NLRP1: variants seen among roughly 807,000 people sequenced by gnomAD.
NLRP1 encodes NACHT, LRR and PYD domains-containing protein 1.
A neutral mutation model predicts 136.7 loss-of-function variants in NLRP1; 94 were observed. The observed-to-expected ratio is 0.69, with a 90% CI of 0.58 to 0.82. The LOEUF (loss-of-function observed/expected upper bound fraction) is 0.82, where lower values mean the gene tolerates loss of function less well. Among genes scored for constraint, NLRP1 ranks in the 40% least tolerant of loss-of-function variants. NLRP1 has a pLI of 0.00. For synonymous variants in NLRP1, 690 were observed against 725.1 expected (o/e 0.95, Z 0.78); for missense variants, 1,575 against 1,802.7 (o/e 0.87, Z 2.29).
At chr17:5,534,386 C>CA (rs1910750310) in intron 8 of NLRP1, among the ~76,000 whole-genome samples, 1 of 151,972 alleles carries the variant, frequency 6.6e-6, no homozygotes, top group South Asian at 2.1e-4. Flanking sequence ...ACAAAACAAA[C>CA]AAAAAAACTC....
intron 4 of NLRP1, among the ~76,000 whole-genome samples, chr17:5,554,002 C>T (rs1277179509): frequency 6.6e-6 from 1 of 152,114 alleles, no homozygotes; most frequent in Non-Finnish European, 1.5e-5. Context: ...TTGATGCAGA[C>T]ACACCTGTGT....
chr17:5,511,171 T>G (rs1184658399), downstream of NLRP1, among the ~76,000 whole-genome samples: 1 of 152,070 alleles, frequency 6.6e-6, no homozygotes, highest in African/African-American at 2.4e-5. Context: ...TGGCTCACAC[T>G]TGTAATCCCA....
In NLRP1 at chr17:5,583,179, A is replaced by ACAG. The variant is rs201664446; in HGVS notation, c.272-336_272-334dup. Among the ~76,000 whole-genome samples the ACAG allele has an allele frequency of 0.018, 2,761 of 152,138 alleles. 74 individuals carry two copies. Among genetic ancestry groups the ACAG allele is most frequent in the African/African-American group, 0.062 (2,561 of 41,452 alleles). On this transcript the variant is annotated intron_variant, in intron 1 of 16. Transcript: ENST00000572272. This position sits in a 1 kb window ranked among gnomAD's most constrained non-coding sequence, Gnocchi z 4.5. The stretch of plus-strand genomic sequence containing the variant: ...CCCAGGGTGGCTAATAGTAATAATA[A>ACAG]CAGCAGCAGCAGCAGCAGCAACAAC...
chr17:5,514,681 G>C lies in NLRP1; in HGVS notation c.*73C>G, dbSNP rs1907857477. 1 of 1,575,346 alleles carries C rather than the reference G, an allele frequency of 6.3e-7. No homozygotes were observed. The highest frequency in any genetic ancestry group is 2.3e-5 in the East Asian group (1 of 44,424). ...CAAACCAGATGGCAACTTGTTTGCAGAGAAAGAAACTGAGACCCAAAGAAG... is the reference window on the plus strand; with the variant it reads ...CAAACCAGATGGCAACTTGTTTGCACAGAAAGAAACTGAGACCCAAAGAAG... On this transcript the variant is annotated 3_prime_UTR_variant, in exon 17 of 17. Coordinates refer to ENST00000572272, the MANE Select transcript of NLRP1 (RefSeq NM_033004.4).
intron 4 of NLRP1, among the ~76,000 whole-genome samples, chr17:5,554,439 T>A (rs574364633): frequency 6.6e-6 from 1 of 152,304 alleles, no homozygotes; most frequent in South Asian, 2.1e-4. Context: ...CACCTTGACA[T>A]CCCAGTAATT....
intron 3 of NLRP1, among the ~76,000 whole-genome samples, chr17:5,572,883 AG>A (rs1239976204): frequency 3.3e-5 from 5 of 152,218 alleles, no homozygotes; most frequent in African/African-American, 1.2e-4. Flanking sequence ...TACAACTCCC[AG>A]GGTGAGCAGC....
At chr17:5,542,916 G>A (rs1222349778) in intron 5 of NLRP1, among the ~76,000 whole-genome samples, 4 of 151,636 alleles carry the variant, frequency 2.6e-5, no homozygotes, top group Non-Finnish European at 4.4e-5. Context: ...TGCAACCTCC[G>A]CGCCCTGGGT....
rs199769886 is a variant in NLRP1 at position 5,542,000 on chromosome 17, C to T, written c.2556G>A (p.Glu852=). 23 of 1,613,862 alleles carry T rather than the reference C, an allele frequency of 1.4e-5. No individual in the cohort carries two copies. The East Asian group carries it at 4.7e-4, about 33-fold the overall frequency. ...LRLAGCGLTA[E]DCKDLAFGLR... The stretch of plus-strand genomic sequence containing the variant: ...GCCCAAAGGCAAGGTCCTTGCAGTC[C>T]TCAGCTGTGAGGCCACAGCCAGCCA... The change falls in exon 6 of 17, where the codon GAG becomes GAA. Residue 852 remains glutamate (E), a synonymous_variant. Coordinates refer to ENST00000572272, the MANE Select transcript of NLRP1 (RefSeq NM_033004.4). The surrounding 1 kb of genome is among the most constrained non-coding windows in gnomAD (Gnocchi z 4.2).
intron 3 of NLRP1, among the ~76,000 whole-genome samples, chr17:5,576,235 C>T (rs1384283292): frequency 6.6e-6 from 1 of 152,196 alleles, no homozygotes; most frequent in African/African-American, 2.4e-5. Context: ...CAAGAGCAAA[C>T]ACATTCAAAA....
rs143342551 is a variant in NLRP1, at chr17:5,525,693, G to C, written c.3521-3907C>G. On this transcript the variant is annotated intron_variant, in intron 12 of 16. Coordinates refer to ENST00000572272, the MANE Select transcript of NLRP1 (RefSeq NM_033004.4). Reference sequence around the variant, plus strand: ...TGCCTGGCTTTGACTCCCAGCAAGGGTTCTTACCAACTGTGGGACTCTGAG... The same window carrying C: ...TGCCTGGCTTTGACTCCCAGCAAGGCTTCTTACCAACTGTGGGACTCTGAG... Among the ~76,000 whole-genome samples, 36 of 152,346 alleles carry C rather than the reference G, an allele frequency of 2.4e-4. No individual in the cohort carries two copies. The East Asian group carries it at 5.6e-3, about 24-fold the overall frequency.
At chr17:5,519,179 T>C (rs1187476330) in intron 14 of NLRP1, among the ~76,000 whole-genome samples, 2 of 151,874 alleles carry the variant, frequency 1.3e-5, no homozygotes, top group South Asian at 2.1e-4. Flanking sequence ...AAGTTTTGTA[T>C]TTTTGGTAGA....
At chr17:5,521,109 G>C (rs1421873432) in intron 13 of NLRP1, 97 bp from the exon 14 acceptor site, 6 of 1,282,804 alleles carry the variant, frequency 4.7e-6, no homozygotes, top group Non-Finnish European at 6.4e-6. Flanking sequence ...TGTGTGGACA[G>C]AGTGGGGCTA....
At chr17:5,562,432 G>A (rs970404458) in intron 3 of NLRP1, among the ~76,000 whole-genome samples, 2 of 152,136 alleles carry the variant, frequency 1.3e-5, no homozygotes, top group African/African-American at 4.8e-5. Flanking sequence ...TGCCAACCAC[G>A]GCCCCTGCCT....
At chr17:5,524,607 C>T (rs1010872249) in intron 12 of NLRP1, among the ~76,000 whole-genome samples, 2 of 152,236 alleles carry the variant, frequency 1.3e-5, no homozygotes, top group African/African-American at 4.8e-5. Flanking sequence ...ATCACTGGCA[C>T]TAAATGGATG....
At chr17:5,529,979 T>C (rs1597408107) in intron 12 of NLRP1, 2 of 456,706 alleles carry the variant, frequency 4.4e-6, no homozygotes, top group Non-Finnish European at 8.8e-6. Flanking sequence ...TACTTTGTGA[T>C]TACTATCTTC....
At chr17:5,519,062 G>C (rs1908531536) in intron 14 of NLRP1, among the ~76,000 whole-genome samples, 1 of 151,512 alleles carries the variant, frequency 6.6e-6, no homozygotes, top group African/African-American at 2.4e-5. Context: ...GAGCACAGTG[G>C]CACAATCTTG....
chr17:5,577,292 G>A (rs542407868), intron 3 of NLRP1, among the ~76,000 whole-genome samples: 62 of 152,276 alleles, frequency 4.1e-4, no homozygotes, highest in African/African-American at 1.3e-3. Context: ...GAAATAAAGC[G>A]TATTCAATTA....
At chr17:5,507,222 A>C (rs1907389079) in intron 15 of NLRP1, among the ~76,000 whole-genome samples, 1 of 152,190 alleles carries the variant, frequency 6.6e-6, no homozygotes, top group African/African-American at 2.4e-5. Flanking sequence ...AAATGGTTGT[A>C]ATCATAAACT....
chr17:5,542,429 G>C (rs773429609), intron 5 of NLRP1, among the ~76,000 whole-genome samples: 1 of 151,952 alleles, frequency 6.6e-6, no homozygotes, highest in Non-Finnish European at 1.5e-5. Context: ...TGCACCTGCT[G>C]CTTCTGCTGC....
Sources: gnomAD v4.1 joint callset for allele counts (sites outside exome capture counted in the v4.1 genomes callset) on GRCh38, gnomAD v4.1.1 for gene constraint, Gnocchi (gnomAD v3.1) non-coding constraint, MANE v1.5 for transcripts, NCBI Gene and HGNC (gene_info 2026-07-23, HGNC 2026-07-21) for gene names.